The following SPTAN1 variants were observed in gnomAD, a reference collection of about 807,000 sequenced individuals.
SPTAN1 encodes spectrin alpha chain, non-erythrocytic 1.
Under a neutral mutation model 331.3 loss-of-function variants are expected in SPTAN1, and 61 were observed. That is an observed-to-expected ratio of 0.18 (90% CI 0.15 to 0.23). The LOEUF (loss-of-function observed/expected upper bound fraction) is 0.23. SPTAN1 is among the 10% of genes least tolerant of loss of function. SPTAN1 has a pLI of 1.00. For synonymous variants in SPTAN1, 1,153 were observed against 1,173.9 expected (o/e 0.98, Z 0.36); for missense variants, 2,043 against 3,147.9 (o/e 0.65, Z 8.40).
Position 128,626,476 on chromosome 9 carries a change from C to T in SPTAN1, c.6365C>T (p.Pro2122Leu). Residue 2122 changes from proline to leucine, a missense_variant, in exon 49 of 57, where the codon CCC (proline) becomes CTC (leucine). Pro to Leu is a moderately conservative substitution (Grantham distance 98). Around this residue, in one of 12 missense-constraint regions of SPTAN1, gnomAD observed 256 missense variants for 376.4 expected, o/e 0.68. Transcript: ENST00000372739. ...FENAEEDLTD[P>L]VRCNSLEEIK... ...AATGCAGAGGAGGACTTAACAGACC[C>T]CGTGCGCTGCAACTCCTTGGAAGAA... 1 of 1,614,168 alleles carries T rather than the reference C, an allele frequency of 6.2e-7. No homozygotes were observed. The highest frequency in any genetic ancestry group is 8.5e-7 in the Non-Finnish European group (1 of 1,180,034).
intron 36 of SPTAN1, 105 bp from the exon 37 acceptor site, chr9:128,609,546 T>C: frequency 1.9e-6 from 2 of 1,050,262 alleles, no homozygotes; most frequent in South Asian, 3.1e-5. Context: ...TCCCAAATGC[T>C]GAGCTTCCTG....
chr9:128,611,632 C>T (rs1856573282), intron 37 of SPTAN1, 82 bp from the exon 38 acceptor site: 3 of 1,556,084 alleles, frequency 1.9e-6, no homozygotes, highest in Non-Finnish European at 1.8e-6. Context: ...GCTGCCACTC[C>T]CTGCCTCTGA....
In SPTAN1 at chr9:128,627,003, G is replaced by A. The variant is rs1307759793; in HGVS notation, c.6576+316G>A. 1 of 560,082 alleles carries A rather than the reference G, an allele frequency of 1.8e-6. No homozygotes were observed. The highest frequency in any genetic ancestry group is 1.5e-5 in the South Asian group (1 of 65,206). The allele number at this position is 560,082 out of a possible 1,614,324, so 34.7% of individuals were successfully genotyped here. ...CTAATTATTTTAATTTTTGTAGACA[G>A]GGTGTTGCTATGTTGCCCAGGCTGG... On this transcript the variant is annotated intron_variant, in intron 49 of 56. Coordinates refer to ENST00000372739, the MANE Select transcript of SPTAN1 (RefSeq NM_001130438.3). The surrounding 1 kb of genome is among the most constrained non-coding windows in gnomAD (Gnocchi z 4.9).
At chr9:128,615,184 C>T (rs540705561) in intron 40 of SPTAN1, among the ~76,000 whole-genome samples, 1 of 152,172 alleles carries the variant, frequency 6.6e-6, no homozygotes, top group Non-Finnish European at 1.5e-5. Flanking sequence ...GACCGAGTAT[C>T]TGTGAGATAC....
At chr9:128,587,470 G>A in intron 19 of SPTAN1, 136 bp from the exon 20 acceptor site, 1 of 734,964 alleles carries the variant, frequency 1.4e-6, no homozygotes, top group East Asian at 2.7e-5. Flanking sequence ...TATTAGCACT[G>A]TAAGAAGGGC....
chr9:128,589,076 A>G (rs778979270), intron 21 of SPTAN1, 133 bp downstream of exon 21: 50 of 1,280,992 alleles, frequency 3.9e-5, no homozygotes, highest in African/African-American at 5.9e-5. Flanking sequence ...TTCCTCACCA[A>G]TCCCCCACGT....
chr9:128,580,665 G>A (rs1303641835), intron 10 of SPTAN1, among the ~76,000 whole-genome samples: 1 of 151,856 alleles, frequency 6.6e-6, no homozygotes, highest in African/African-American at 2.4e-5. Flanking sequence ...CTTCTACCTG[G>A]GAGTTTACTT....
At chr9:128,581,748 A>G (rs1362582225) in intron 11 of SPTAN1, 34 bp from the exon 12 acceptor site, 3 of 1,519,208 alleles carry the variant, frequency 2.0e-6, no homozygotes, top group Non-Finnish European at 2.7e-6. Context: ...AAGGAATAGG[A>G]CATTATTCTG....
Position 128,627,603 on chromosome 9 carries a change from A to C in SPTAN1, c.6689+105A>C, listed in dbSNP as rs1589393938. On this transcript the variant is annotated intron_variant, in intron 50 of 56. Transcript: ENST00000372739. The surrounding 1 kb of genome is among the most constrained non-coding windows in gnomAD (Gnocchi z 4.9). ...GTGGTGGTGCTTTGTGTAAAACCAG[A>C]GGCAGCCTGGGAATAAAGCTGGGCT... 1.7e-6 allele frequency: 2 copies of C among 1,163,966 alleles called. No individual in the cohort carries two copies. Among genetic ancestry groups the C allele is most frequent in the Non-Finnish European group, 2.5e-6 (2 of 796,440 alleles). 72.1% of individuals were successfully genotyped at this position (1,163,966 alleles called of 1,614,324 possible).
At chr9:128,557,047 A>G (rs1210302885) in intron 1 of SPTAN1, among the ~76,000 whole-genome samples, 1 of 152,174 alleles carries the variant, frequency 6.6e-6, no homozygotes, top group East Asian at 1.9e-4. Flanking sequence ...GGTTCTGCAC[A>G]TTTGGGTTCT....
chr9:128,633,629 T>C lies in SPTAN1; in HGVS notation c.*295T>C. On this transcript the variant is annotated 3_prime_UTR_variant, in exon 57 of 57. Coordinates refer to ENST00000372739, the MANE Select transcript of SPTAN1 (RefSeq NM_001130438.3). ...CCACCCTCCCCCAAATCTGTTTTCA[T>C]GTAAAAGACAAATAAATGATGACTT... 7.6e-7 allele frequency: 1 copy of C among 1,316,160 alleles called. No homozygotes were observed. Among genetic ancestry groups the C allele is most frequent in the Non-Finnish European group, 1.0e-6 (1 of 955,256 alleles). The allele number at this position is 1,316,160 out of a possible 1,614,324, so 81.5% of individuals were successfully genotyped here.
At chr9:128,607,176 CT>C (rs1025940886) in intron 31 of SPTAN1, among the ~76,000 whole-genome samples, 19 of 147,298 alleles carry the variant, frequency 1.3e-4, no homozygotes, top group East Asian at 2.0e-4. Context: ...TCTTTTTTTT[CT>C]TTTTTTTTTA....
At chr9:128,620,724 G>GA (rs57158260) in intron 44 of SPTAN1, among the ~76,000 whole-genome samples, 6 of 147,674 alleles carry the variant, frequency 4.1e-5, no homozygotes, top group Non-Finnish European at 6.0e-5. Flanking sequence ...GTCTCAAAAA[G>GA]AAAAAAAAAA....
At position 128,627,258 on chromosome 9, in the gene SPTAN1, G is replaced by C. The variant is rs1315906317; in HGVS notation, c.6577-128G>C. On this transcript the variant is annotated intron_variant, in intron 49 of 56. Transcript: ENST00000372739. The surrounding 1 kb of genome is among the most constrained non-coding windows in gnomAD (Gnocchi z 4.9). ...CTCTGAGCCGGCCTCATGTCTCCCA[G>C]CCTCCTCCTCTCATCTTTGGGGAGG... 2.0e-5 allele frequency: 16 copies of C among 800,248 alleles called. No homozygotes were observed. In the South Asian group the frequency reaches 2.4e-4, roughly 12 times the overall value. The allele number at this position is 800,248 out of a possible 1,614,324, so 49.6% of individuals were successfully genotyped here.
chr9:128,613,474 T>G lies in SPTAN1; in HGVS notation c.5137T>G (p.Ser1713Ala). ...KKHQLLEADI[S>A]AHEDRLKDLN... is the part of the protein sequence containing the mutation. ...GCATCAACTGCTGGAAGCAGATATA[T>G]CTGCCCATGAGGTAAGCAAAGGGAG... is the stretch of plus-strand genomic sequence containing the variant. The change falls in exon 40 of 57, where the codon TCT (serine) becomes GCT (alanine). Residue 1713 changes from serine to alanine, a missense_variant. Ser to Ala is a moderately conservative substitution (Grantham distance 99, BLOSUM62 1). This residue lies in a region of SPTAN1 where 323 missense variants were observed against 581.1 expected (regional missense o/e 0.56). Coordinates refer to ENST00000372739, the MANE Select transcript of SPTAN1 (RefSeq NM_001130438.3). 1 of 1,614,144 alleles carries G rather than the reference T, an allele frequency of 6.2e-7. No individual in the cohort carries two copies. The highest frequency in any genetic ancestry group is 8.5e-7 in the Non-Finnish European group (1 of 1,180,020).
chr9:128,589,080 C>T, intron 21 of SPTAN1, 137 bp downstream of exon 21: 1 of 1,245,336 alleles, frequency 8.0e-7, no homozygotes, highest in Non-Finnish European at 1.1e-6. Flanking sequence ...TCACCAATCC[C>T]CCACGTGACA....
intron 1 of SPTAN1, among the ~76,000 whole-genome samples, chr9:128,563,822 G>A (rs571606934): frequency 5.4e-5 from 8 of 147,522 alleles, no homozygotes; most frequent in Non-Finnish European, 1.0e-4. Context: ...TTTTTTTTTA[G>A]AGCCAGGGTT....
chr9:128,596,695 T>C (rs554701451), intron 24 of SPTAN1: 2 of 152,342 alleles, frequency 1.3e-5, no homozygotes, highest in African/African-American at 4.8e-5. Context: ...TTATCTCGTT[T>C]TTATTTATTT....
rs1856778676 is a variant in SPTAN1, at chr9:128,613,340, C to T, written c.5044-41C>T. 3.2e-6 allele frequency: 5 copies of T among 1,557,338 alleles called. No individual in the cohort carries two copies. In the East Asian group the frequency reaches 6.7e-5, roughly 21 times the overall value. On this transcript the variant is annotated intron_variant, in intron 39 of 56. Transcript: ENST00000372739. ...TGAATTTTCCAGAATGCTGAGTATA[C>T]ACCACACAGTAGCCTTTGCTTTTTG...
Sources: allele counts gnomAD v4.1 joint callset (sites outside exome capture counted in the v4.1 genomes callset), GRCh38; gene constraint gnomAD v4.1.1; regional missense constraint gnomAD v4.1.1; non-coding constraint Gnocchi (gnomAD v3.1); transcripts MANE v1.5; gene names NCBI Gene and HGNC (gene_info 2026-07-23, HGNC 2026-07-21).